Variants in ARHGAP6 observed in about 807,000 individuals in gnomAD.
ARHGAP6 encodes Rho GTPase activating protein 6.
In ARHGAP6, 16 loss-of-function variants were observed where a neutral mutation model predicts 55.7. The observed-to-expected ratio is 0.29, with a 90% CI of 0.19 to 0.44. The LOEUF (loss-of-function observed/expected upper bound fraction) is 0.44, where lower values mean the gene tolerates loss of function less well. Ranked by LOEUF, ARHGAP6 falls within the 20% of genes least tolerant of loss-of-function variation. The pLI is 1.00. For missense variants in ARHGAP6, 698 were observed against 808.9 expected, an observed-to-expected ratio of 0.86 and a Z score of 1.66; for synonymous variants, 382 against 360.9, an observed-to-expected ratio of 1.06 and a Z score of -0.66.
At position 11,282,782 on chromosome X, in the gene ARHGAP6, A is replaced by C. The variant is rs779559215; in HGVS notation, c.589-28075T>G. 8.0e-5 allele frequency among the ~76,000 whole-genome samples: 9 copies of C among 112,121 alleles called. No homozygotes were observed. In the Admixed American group the frequency reaches 8.5e-4, roughly 11 times the overall value. ...CTAGGTAGAATGGAACCCAGGCAAA[A>C]ATATTATTTAAAAGCTACACGAATG... On this transcript the variant is annotated intron_variant, in intron 1 of 12. Coordinates refer to ENST00000337414, the MANE Select transcript of ARHGAP6 (RefSeq NM_013427.3).
At chrX:11,290,490 CAA>C (rs746332445) in intron 1 of ARHGAP6, 11,119 of 159,231 alleles carry the variant, frequency 0.07, no homozygotes, top group Middle Eastern at 0.087. Flanking sequence ...TCTACCCCAG[CAA>C]AAAAAAAAAA....
intron 1 of ARHGAP6, among the ~76,000 whole-genome samples, chrX:11,475,010 T>C (rs1196290712): frequency 9.0e-6 from 1 of 111,279 alleles, no homozygotes; most frequent in Non-Finnish European, 1.9e-5. Context: ...AGTACCATAG[T>C]ACTTTTATAG....
chrX:11,518,471 T>C (rs764445692), intron 1 of ARHGAP6, among the ~76,000 whole-genome samples: 1 of 101,234 alleles, frequency 9.9e-6, no homozygotes, highest in Non-Finnish European at 2.0e-5. Context: ...TCTTTTTTTT[T>C]TTTTTTTTTG....
At chrX:11,337,821 G>A (rs1224230584) in intron 1 of ARHGAP6, among the ~76,000 whole-genome samples, 1 of 112,602 alleles carries the variant, frequency 8.9e-6, no homozygotes, top group East Asian at 2.8e-4. Flanking sequence ...ATAAACAACA[G>A]AGGTTTATTT....
chrX:11,484,067 C>T (rs2050486200), intron 1 of ARHGAP6, among the ~76,000 whole-genome samples: 1 of 111,979 alleles, frequency 8.9e-6, no homozygotes, highest in South Asian at 3.7e-4. Context: ...GGTTCCACTT[C>T]TCTTAAATTT....
intron 1 of ARHGAP6, among the ~76,000 whole-genome samples, chrX:11,356,145 T>C (rs1200718001): frequency 9.0e-6 from 1 of 110,933 alleles, no homozygotes; most frequent in Non-Finnish European, 1.9e-5. Context: ...GAATGAGGAA[T>C]GATTAGTCAA....
At chrX:11,263,169 T>G (rs1310207322) in intron 1 of ARHGAP6, among the ~76,000 whole-genome samples, 1 of 110,159 alleles carries the variant, frequency 9.1e-6, no homozygotes, top group Non-Finnish European at 1.9e-5. Context: ...GTCCTTGCAA[T>G]AGTGAATTCT....
At chrX:11,401,233 C>T (rs2049544748) in intron 1 of ARHGAP6, among the ~76,000 whole-genome samples, 1 of 111,515 alleles carries the variant, frequency 9.0e-6, no homozygotes, top group Admixed American at 9.6e-5. Flanking sequence ...AACAAATTCC[C>T]TCCGACGATG....
intron 1 of ARHGAP6, among the ~76,000 whole-genome samples, chrX:11,333,445 C>A (rs1344557777): frequency 8.9e-6 from 1 of 111,958 alleles, no homozygotes; most frequent in African/African-American, 3.2e-5. Context: ...CCTGAGGCCT[C>A]CCCAACCATG....
intron 1 of ARHGAP6, among the ~76,000 whole-genome samples, chrX:11,350,041 G>GA (rs1050735169): frequency 8.9e-6 from 1 of 111,887 alleles, no homozygotes; most frequent in Non-Finnish European, 1.9e-5. Context: ...AGGAAACCCA[G>GA]AAAAAGAAGA....
chrX:11,522,676 A>T (rs1203043457), intron 1 of ARHGAP6, among the ~76,000 whole-genome samples: 6 of 111,621 alleles, frequency 5.4e-5, no homozygotes, highest in Admixed American at 3.8e-4. Context: ...CCCTCCTAAG[A>T]CTAATCCATG....
At chrX:11,277,245 A>C (rs1246462949) in intron 1 of ARHGAP6, among the ~76,000 whole-genome samples, 1 of 111,832 alleles carries the variant, frequency 8.9e-6, no homozygotes, top group Non-Finnish European at 1.9e-5. Flanking sequence ...TATTCACTGT[A>C]TAGATATACT....
intron 1 of ARHGAP6, among the ~76,000 whole-genome samples, chrX:11,629,491 A>G (rs759173296): frequency 9.9e-5 from 11 of 111,296 alleles, no homozygotes; most frequent in African/African-American, 2.9e-4. Flanking sequence ...AAAATGATAA[A>G]CAAGACAAAC....
chrX:11,607,843 T>C (rs906885153), intron 1 of ARHGAP6, among the ~76,000 whole-genome samples: 1 of 112,244 alleles, frequency 8.9e-6, no homozygotes, highest in African/African-American at 3.2e-5. Flanking sequence ...AACAAAGCTT[T>C]GAGCGAACCA....
chrX:11,522,475 C>T (rs1429055904), intron 1 of ARHGAP6, among the ~76,000 whole-genome samples: 11 of 109,684 alleles, frequency 1.0e-4, no homozygotes, highest in Middle Eastern at 9.3e-3. Flanking sequence ...TCAACAAAAT[C>T]GATAGACCGC....
chrX:11,139,463 G>T lies in ARHGAP6; in HGVS notation c.2325C>A (p.Asn775Lys). The T allele has an allele frequency of 8.5e-7, 1 of 1,178,907 alleles. No individual in the cohort carries two copies. The highest frequency in any genetic ancestry group is 1.8e-5 in the African/African-American group (1 of 56,118). The change falls in exon 13 of 13, where the codon AAC becomes AAA. Residue 775 changes from asparagine to lysine, a missense_variant. Coordinates refer to ENST00000337414, the MANE Select transcript of ARHGAP6 (RefSeq NM_013427.3). ...GCCACCGAGGCCAATTTGGGGACAG[G>T]TTCCCTTGAGAAAGGGAGCAGGGCC... ...RAGPCSLSQG[N>K]LSPNWPRWQG...
chrX:11,454,984 T>C (rs982888012), intron 1 of ARHGAP6, among the ~76,000 whole-genome samples: 7 of 112,065 alleles, frequency 6.2e-5, no homozygotes, highest in African/African-American at 2.3e-4. Context: ...CTTGGGGAGA[T>C]GCCAGATCTT....
intron 1 of ARHGAP6, among the ~76,000 whole-genome samples, chrX:11,446,121 T>C (rs181831710): frequency 3.6e-5 from 4 of 112,209 alleles, no homozygotes; most frequent in African/African-American, 9.7e-5. Flanking sequence ...ATTTATTACA[T>C]CTGAGAGGTT....
At chrX:11,546,031 AG>A (rs2051209018) in intron 1 of ARHGAP6, among the ~76,000 whole-genome samples, 1 of 111,232 alleles carries the variant, frequency 9.0e-6, no homozygotes, top group Non-Finnish European at 1.9e-5. Flanking sequence ...AAAATAATAA[AG>A]AAAAACATGA....
Sources: gnomAD v4.1 joint callset for allele counts (sites outside exome capture counted in the v4.1 genomes callset) on GRCh38, gnomAD v4.1.1 for gene constraint, MANE v1.5 for transcripts, NCBI Gene and HGNC (gene_info 2026-07-23, HGNC 2026-07-21) for gene names.